Variants in ZDHHC14 observed in about 807,000 individuals in gnomAD.
The protein encoded by ZDHHC14 is zDHHC palmitoyltransferase 14, also known as palmitoyltransferase ZDHHC14.
ZDHHC14 carries 16 observed loss-of-function variants against 47.7 expected under a neutral mutation model. The observed-to-expected ratio is 0.34, with a 90% CI of 0.23 to 0.51. The LOEUF (loss-of-function observed/expected upper bound fraction) is 0.51. ZDHHC14 is among the 20% of genes least tolerant of loss of function. ZDHHC14 has a pLI of 0.97. For synonymous variants in ZDHHC14, 293 were observed against 278.9 expected (o/e 1.05, Z -0.50); for missense variants, 515 against 662.5 (o/e 0.78, Z 2.44).
At chr6:157,490,349 G>T (rs572449033) in intron 1 of ZDHHC14, among the ~76,000 whole-genome samples, 2 of 152,302 alleles carry the variant, frequency 1.3e-5, no homozygotes, top group East Asian at 3.9e-4. Context: ...TATTTGAAAA[G>T]TAATTAAGCC....
chr6:157,390,742 C>A (rs1361205987), intron 1 of ZDHHC14, among the ~76,000 whole-genome samples: 1 of 151,912 alleles, frequency 6.6e-6, no homozygotes, highest in African/African-American at 2.4e-5. Flanking sequence ...AAGGAGTCTG[C>A]TTTATTTTGC....
rs140150364 is a variant in ZDHHC14 at position 157,544,708 on chromosome 6, C to T, written c.406+1963C>T. On this transcript the variant is annotated intron_variant, in intron 2 of 8. Transcript: ENST00000359775. The stretch of plus-strand genomic sequence containing the variant: ...AGAATAGTGAGATGCCACTTCACAC[C>T]CTCTAGGATGGCACTAATCAAAAAG... 5.6e-3 allele frequency among the ~76,000 whole-genome samples: 856 copies of T among 152,218 alleles called. 6 individuals carry two copies. Among genetic ancestry groups the T allele is most frequent in the Non-Finnish European group, 8.9e-3 (602 of 68,004 alleles).
intron 3 of ZDHHC14, among the ~76,000 whole-genome samples, chr6:157,596,101 T>A (rs17165446): frequency 0.25 from 37,549 of 152,046 alleles, 4,969 homozygotes; most frequent in East Asian, 0.52. Context: ...CACCACCCAG[T>A]GATTGAAAAC....
rs3056787 is a variant in ZDHHC14, at chr6:157,643,650, AATATATATAT to A, written c.753-2070_753-2061del. 4.4e-3 allele frequency among the ~76,000 whole-genome samples: 322 copies of A among 72,534 alleles called. 41 individuals are homozygous for A. Among genetic ancestry groups the A allele is most frequent in the East Asian group, 0.036 (98 of 2,690 alleles). The allele number at this position is 72,534 out of a possible 152,430, so 47.6% of individuals were successfully genotyped here. On this transcript the variant is annotated intron_variant, in intron 5 of 8. Transcript: ENST00000359775. ...GCAACAAAAGCAAAACTTCATCTCA[AATATATATAT>A]ATATATATATATATATGCTGTATTT...
intron 1 of ZDHHC14, among the ~76,000 whole-genome samples, chr6:157,405,912 G>T (rs1423191356): frequency 6.6e-6 from 1 of 152,128 alleles, no homozygotes; most frequent in African/African-American, 2.4e-5. Flanking sequence ...TCATGGATGG[G>T]CTATAAATGG....
chr6:157,581,042 T>A (rs1224062634), intron 2 of ZDHHC14, among the ~76,000 whole-genome samples: 2 of 152,086 alleles, frequency 1.3e-5, no homozygotes, highest in Non-Finnish European at 2.9e-5. Flanking sequence ...CTTCTTACTT[T>A]TTCATGTGGC....
chr6:157,538,852 C>T (rs1397949271), intron 1 of ZDHHC14, among the ~76,000 whole-genome samples: 1 of 152,142 alleles, frequency 6.6e-6, no homozygotes, highest in East Asian at 1.9e-4. Flanking sequence ...GCTGGACAGG[C>T]AGCGCTGGCG....
chr6:157,616,176 C>T (rs531824526), intron 3 of ZDHHC14, among the ~76,000 whole-genome samples: 1 of 152,304 alleles, frequency 6.6e-6, no homozygotes, highest in South Asian at 2.1e-4. Context: ...GTGACAGCGG[C>T]TCCTGCAAGA....
intron 3 of ZDHHC14, among the ~76,000 whole-genome samples, chr6:157,620,855 C>T (rs772671867): frequency 3.3e-5 from 5 of 152,216 alleles, no homozygotes; most frequent in East Asian, 1.9e-4. Context: ...TGCAGATGAA[C>T]GTGTGGGTTC....
chr6:157,485,515 A>G (rs1230860083), intron 1 of ZDHHC14, among the ~76,000 whole-genome samples: 2 of 151,490 alleles, frequency 1.3e-5, no homozygotes, highest in African/African-American at 4.9e-5. Context: ...TTTTGTTTTC[A>G]TTTTTCTTCT....
chr6:157,671,514 T>A lies in ZDHHC14; in HGVS notation c.1069-1210T>A, dbSNP rs570543148. On this transcript the variant is annotated intron_variant, in intron 8 of 8. Coordinates refer to ENST00000359775, the MANE Select transcript of ZDHHC14 (RefSeq NM_024630.3). ...GAGAAGGTACCGCACAGGCTCAAGT[T>A]GAAGATTTATAAGTCCTGTTAAGTC... Among the ~76,000 whole-genome samples, 10 of 152,298 alleles carry A rather than the reference T, an allele frequency of 6.6e-5. No homozygotes were observed. In the South Asian group the frequency reaches 1.0e-3, roughly 16 times the overall value.
intron 8 of ZDHHC14, among the ~76,000 whole-genome samples, chr6:157,656,892 G>A (rs940899556): frequency 4.6e-5 from 7 of 152,050 alleles, no homozygotes; most frequent in Non-Finnish European, 1.0e-4. Context: ...GCTGGCCTCA[G>A]GCTGATGGCA....
chr6:157,484,294 TATATATATATAC>T (rs1466587981), intron 1 of ZDHHC14, among the ~76,000 whole-genome samples: 1 of 12,214 alleles, frequency 8.2e-5, no homozygotes. Context: ...TATATATGTG[TATATATATATAC>T]ATATATATAC....
At chr6:157,653,443 C>A in intron 7 of ZDHHC14, 82 bp from the exon 8 acceptor site, 1 of 1,462,432 alleles carries the variant, frequency 6.8e-7, no homozygotes, top group South Asian at 1.2e-5. Flanking sequence ...GAGGGAGCCC[C>A]GACGCGGAAC....
intron 1 of ZDHHC14, among the ~76,000 whole-genome samples, chr6:157,481,810 GTTTC>G (rs551032291): frequency 1.2e-3 from 184 of 152,134 alleles, no homozygotes; most frequent in African/African-American, 4.3e-3. Context: ...GCTTAGAATT[GTTTC>G]TTTCTATCTA....
intron 7 of ZDHHC14, among the ~76,000 whole-genome samples, chr6:157,649,385 G>T (rs146111554): frequency 5.4e-4 from 83 of 152,302 alleles, no homozygotes; most frequent in African/African-American, 1.6e-3. Context: ...GCTTGGGCAG[G>T]GACATAGGCC....
At chr6:157,641,721 C>G (rs552967860) in intron 5 of ZDHHC14, among the ~76,000 whole-genome samples, 1 of 152,240 alleles carries the variant, frequency 6.6e-6, no homozygotes, top group East Asian at 1.9e-4. Flanking sequence ...CTACGTGGCT[C>G]CTCGGTTTGT....
intron 3 of ZDHHC14, among the ~76,000 whole-genome samples, chr6:157,627,463 C>T (rs1785484242): frequency 6.6e-6 from 1 of 152,182 alleles, no homozygotes; most frequent in African/African-American, 2.4e-5. Context: ...GCTGAGTAGT[C>T]AAGAGAAGCC....
rs928128954 is a variant in ZDHHC14, at chr6:157,556,413, C to T, written c.406+13668C>T. 3.3e-5 allele frequency among the ~76,000 whole-genome samples: 5 copies of T among 152,200 alleles called. No homozygotes were observed. In the East Asian group the frequency reaches 5.8e-4, roughly 18 times the overall value. On this transcript the variant is annotated intron_variant, in intron 2 of 8. Transcript: ENST00000359775. ...CTTTACAGCTGGAAAAACTGAGGCA[C>T]GCAAAGGACGAGTAACTCCCAAAGC...
Sources: allele counts gnomAD v4.1 joint callset (sites outside exome capture counted in the v4.1 genomes callset), GRCh38; gene constraint gnomAD v4.1.1; transcripts MANE v1.5; gene names NCBI Gene and HGNC (gene_info 2026-07-23, HGNC 2026-07-21).